LRP1B: variants seen among roughly 807,000 people sequenced by gnomAD.
LRP1B encodes LDL receptor related protein 1B, also known as low-density lipoprotein receptor-related protein 1B.
In LRP1B, 217 loss-of-function variants were observed where a neutral mutation model predicts 556.6. That is an observed-to-expected ratio of 0.39 (90% CI 0.35 to 0.44). The LOEUF is 0.44. LRP1B is among the 20% of genes least tolerant of loss of function. The pLI, the probability that LRP1B is intolerant of heterozygous loss-of-function variation, is 1.00. For synonymous variants in LRP1B, 2,047 were observed against 1,865.8 expected, an observed-to-expected ratio of 1.10 and a Z score of -2.50; for missense variants, 5,053 against 5,620.8, an observed-to-expected ratio of 0.90 and a Z score of 3.23.
Position 140,644,188 on chromosome 2 carries a change from T to A in LRP1B, c.6800-42549A>T, listed in dbSNP as rs188798090. 5.3e-5 allele frequency among the ~76,000 whole-genome samples: 8 copies of A among 152,258 alleles called. No individual in the cohort carries two copies. The East Asian group carries it at 1.5e-3, about 29-fold the overall frequency. ...ACAGTCACAGAACTGAGTGGCAGGG[T>A]CCTGCTGTACACACTTGATTATATA... On this transcript the variant is annotated intron_variant, in intron 41 of 90. Coordinates refer to ENST00000389484, the MANE Select transcript of LRP1B (RefSeq NM_018557.3).
intron 80 of LRP1B, among the ~76,000 whole-genome samples, chr2:140,324,781 T>C (rs916832880): frequency 6.6e-6 from 1 of 151,936 alleles, no homozygotes; most frequent in Non-Finnish European, 1.5e-5. Flanking sequence ...TATATTCATA[T>C]ATTTTTCTTT....
In LRP1B at chr2:140,861,160, A is replaced by C. The variant is rs546635396; in HGVS notation, c.4579+6430T>G. On this transcript the variant is annotated intron_variant, in intron 27 of 90. Coordinates refer to ENST00000389484, the MANE Select transcript of LRP1B (RefSeq NM_018557.3). ...AGTGGCTCACGCCTGTAATCCCAGA[A>C]CTTTGGGAAGCCGAGGAGGGCAGAT... Among the ~76,000 whole-genome samples the C allele has an allele frequency of 9.8e-4, 149 of 152,312 alleles. 1 individual carries two copies. The highest frequency in any genetic ancestry group is 3.4e-3 in the African/African-American group (143 of 41,584).
In LRP1B at chr2:141,936,859, T is replaced by A. The variant is rs572185054; in HGVS notation, c.83-126458A>T. Among the ~76,000 whole-genome samples the A allele has an allele frequency of 2.0e-5, 3 of 152,212 alleles. No individual in the cohort carries two copies. The South Asian group carries it at 6.2e-4, about 32-fold the overall frequency. On this transcript the variant is annotated intron_variant, in intron 1 of 90. Transcript: ENST00000389484. ...TATGATATAGTTACATAGCCAACAT[T>A]CATTATATATTTTCTCCTAGATTTT...
intron 60 of LRP1B, among the ~76,000 whole-genome samples, chr2:140,458,046 TCTTAA>T (rs1410685229): frequency 1.3e-5 from 2 of 152,250 alleles, no homozygotes; most frequent in South Asian, 2.1e-4. Flanking sequence ...TTCTGGTTGT[TCTTAA>T]CTTAAATACC....
At chr2:141,469,816 G>C (rs72989033) in intron 3 of LRP1B, among the ~76,000 whole-genome samples, 4,831 of 152,190 alleles carry the variant, frequency 0.032, 280 homozygotes, top group African/African-American at 0.11. Context: ...TCACTTTCCA[G>C]GGTTTGACGG....
chr2:140,405,255 G>A (rs1044670905), intron 66 of LRP1B, among the ~76,000 whole-genome samples: 5 of 152,014 alleles, frequency 3.3e-5, no homozygotes, highest in African/African-American at 9.7e-5. Context: ...TGTGTACATC[G>A]GAAAGTCTGA....
intron 1 of LRP1B, among the ~76,000 whole-genome samples, chr2:142,075,608 G>A (rs1264772479): frequency 6.6e-6 from 1 of 151,966 alleles, no homozygotes; most frequent in African/African-American, 2.4e-5. Flanking sequence ...GCGTTTATCA[G>A]TTTAAATGAG....
Position 140,867,847 on chromosome 2 carries a change from A to G in LRP1B, c.4335-13T>C, listed in dbSNP as rs2105154550. 6.6e-7 allele frequency: 1 copy of G among 1,512,296 alleles called. No individual in the cohort carries two copies. Among genetic ancestry groups the G allele is most frequent in the East Asian group, 2.3e-5 (1 of 42,932 alleles). The allele number at this position is 1,512,296 out of a possible 1,614,324, so 93.7% of individuals were successfully genotyped here. On this transcript the variant is annotated splice_polypyrimidine_tract_variant and intron_variant, in intron 26 of 90. Transcript: ENST00000389484. ...AATAGCATCTGACCTACAGAAAGATAAATACATGAGTAGTTTGTCAAAACT... is the reference window on the plus strand; with the variant it reads ...AATAGCATCTGACCTACAGAAAGATGAATACATGAGTAGTTTGTCAAAACT...
At chr2:141,087,072 C>A (rs1700065057) in intron 7 of LRP1B, among the ~76,000 whole-genome samples, 1 of 152,282 alleles carries the variant, frequency 6.6e-6, no homozygotes, top group Non-Finnish European at 1.5e-5. Flanking sequence ...ATTCATCAAT[C>A]TGAGTTTCAG....
intron 7 of LRP1B, among the ~76,000 whole-genome samples, chr2:141,146,987 G>T (rs1240517310): frequency 6.6e-6 from 1 of 152,174 alleles, no homozygotes; most frequent in East Asian, 1.9e-4. Context: ...TTACACACCT[G>T]AGCATCCTCC....
At chr2:141,803,984 T>A (rs914244353) in intron 2 of LRP1B, among the ~76,000 whole-genome samples, 2 of 152,140 alleles carry the variant, frequency 1.3e-5, no homozygotes, top group Non-Finnish European at 2.9e-5. Context: ...TCTCACCTAA[T>A]GACTTATAGA....
At chr2:140,722,407 A>G (rs1214712721) in intron 35 of LRP1B, among the ~76,000 whole-genome samples, 1 of 152,186 alleles carries the variant, frequency 6.6e-6, no homozygotes, top group Admixed American at 6.5e-5. Context: ...GTTTATTTTA[A>G]TGCATTAATT....
At chr2:141,550,100 G>A (rs1184909476) in intron 2 of LRP1B, among the ~76,000 whole-genome samples, 2 of 152,180 alleles carry the variant, frequency 1.3e-5, no homozygotes, top group Non-Finnish European at 2.9e-5. Flanking sequence ...TGCATTTTAT[G>A]TTTGGCTTCA....
chr2:141,676,265 G>C (rs142828229), intron 2 of LRP1B, among the ~76,000 whole-genome samples: 2 of 152,152 alleles, frequency 1.3e-5, no homozygotes, highest in South Asian at 4.1e-4. Context: ...GTGCCAAGCA[G>C]TGACCATTAC....
At chr2:140,751,381 G>A (rs1237643887) in intron 35 of LRP1B, among the ~76,000 whole-genome samples, 1 of 152,158 alleles carries the variant, frequency 6.6e-6, no homozygotes, top group Non-Finnish European at 1.5e-5. Flanking sequence ...CAACGTGAAT[G>A]AACCTAGGTT....
chr2:141,733,565 G>A lies in LRP1B; in HGVS notation c.205+76714C>T, dbSNP rs370782114. Among the ~76,000 whole-genome samples, 46 of 152,014 alleles carry A rather than the reference G, an allele frequency of 3.0e-4. No homozygotes were observed. In the South Asian group the frequency reaches 7.5e-3, roughly 25 times the overall value. On this transcript the variant is annotated intron_variant, in intron 2 of 90. Coordinates refer to ENST00000389484, the MANE Select transcript of LRP1B (RefSeq NM_018557.3). The stretch of plus-strand genomic sequence containing the variant: ...GCTTAAATTCCTTTAATGTCTCCCC[G>A]CTGCCTACAGAATAAAGTTTAAATT...
intron 2 of LRP1B, among the ~76,000 whole-genome samples, chr2:141,667,543 T>C (rs1183309686): frequency 6.6e-6 from 1 of 152,162 alleles, no homozygotes; most frequent in Non-Finnish European, 1.5e-5. Flanking sequence ...ACTCCACTTT[T>C]TGAAAAACAT....
At chr2:142,110,051 C>T (rs35437930) in intron 1 of LRP1B, among the ~76,000 whole-genome samples, 42 of 152,110 alleles carry the variant, frequency 2.8e-4, no homozygotes, top group Admixed American at 1.6e-3. Flanking sequence ...TCTGATTTTC[C>T]GACAGAAAAT....
At chr2:141,647,716 T>A (rs961297701) in intron 2 of LRP1B, among the ~76,000 whole-genome samples, 3 of 151,290 alleles carry the variant, frequency 2.0e-5, no homozygotes, top group African/African-American at 7.3e-5. Context: ...TTTTTTTTTT[T>A]AAATAAGAGA....
Sources: allele counts gnomAD v4.1 joint callset (sites outside exome capture counted in the v4.1 genomes callset), GRCh38; gene constraint gnomAD v4.1.1; transcripts MANE v1.5; gene names NCBI Gene and HGNC (gene_info 2026-07-23, HGNC 2026-07-21).